Variants in ELAVL4 observed in about 807,000 individuals in gnomAD.
The protein encoded by ELAVL4 is ELAV-like protein 4.
Under a neutral mutation model 35.6 loss-of-function variants are expected in ELAVL4, and 1 was observed. The observed-to-expected ratio is 0.03, with a 90% CI of 0.01 to 0.13. The LOEUF is 0.13. ELAVL4 is among the 10% of genes least tolerant of loss of function. The pLI is 1.00. For missense variants in ELAVL4, 267 were observed against 464.9 expected (o/e 0.57, Z 3.91); for synonymous variants, 156 against 171.0 (o/e 0.91, Z 0.69).
chr1:50,182,196 C>A (rs553707885), intron 3 of ELAVL4, among the ~76,000 whole-genome samples: 2 of 152,320 alleles, frequency 1.3e-5, no homozygotes, highest in African/African-American at 4.8e-5. Context: ...TGCATTTGGT[C>A]CAGCTCTGTC....
intron 2 of ELAVL4, among the ~76,000 whole-genome samples, chr1:50,167,925 T>A (rs996020632): frequency 6.6e-6 from 1 of 152,198 alleles, no homozygotes; most frequent in African/African-American, 2.4e-5. Context: ...TCCCTGACCA[T>A]CCAGCCAAAC....
intron 1 of ELAVL4, among the ~76,000 whole-genome samples, chr1:50,124,786 A>C (rs1455397002): frequency 6.6e-6 from 1 of 152,082 alleles, no homozygotes. Context: ...GACCTAGGGG[A>C]AATCATTTCC....
chr1:50,200,905 T>C lies in ELAVL4; in HGVS notation c.828T>C (p.Pro276=), dbSNP rs1383789267. 1.2e-6 allele frequency: 2 copies of C among 1,613,926 alleles called. No individual in the cohort carries two copies. The highest frequency in any genetic ancestry group is 1.7e-6 in the Non-Finnish European group (2 of 1,180,004). The stretch of plus-strand genomic sequence containing the variant: ...CAAGCCTTGTGGGAATGAACATCCC[T>C]GGTCACACAGGAACTGGGTGGTGCA... ...GMTSLVGMNI[P]GHTGTGWCIF... Residue 276 remains proline, a synonymous_variant, in exon 7 of 7, where the codon CCT becomes CCC. Transcript: ENST00000371824.
chr1:50,176,701 C>T (rs1419255485), intron 2 of ELAVL4, among the ~76,000 whole-genome samples: 1 of 152,216 alleles, frequency 6.6e-6, no homozygotes, highest in Non-Finnish European at 1.5e-5. Flanking sequence ...CAAAGTCGCA[C>T]AGCTGATAGG....
At chr1:50,053,251 T>G (rs951420696) in intron 1 of ELAVL4, among the ~76,000 whole-genome samples, 25 of 152,188 alleles carry the variant, frequency 1.6e-4, no homozygotes, top group African/African-American at 6.0e-4. Context: ...CAAAATAGCT[T>G]CTTTTTGTAC....
chr1:50,098,289 A>C (rs1393763366), intron 1 of ELAVL4, among the ~76,000 whole-genome samples: 1 of 152,232 alleles, frequency 6.6e-6, no homozygotes, highest in Non-Finnish European at 1.5e-5. Flanking sequence ...TAGTGAGTTC[A>C]ATATCAATAA....
intron 2 of ELAVL4, among the ~76,000 whole-genome samples, chr1:50,160,286 C>A (rs543625312): frequency 6.6e-6 from 1 of 152,148 alleles, no homozygotes; most frequent in Admixed American, 6.6e-5. Flanking sequence ...AAGAAGATGA[C>A]GTTCCCCCGC....
intron 1 of ELAVL4, among the ~76,000 whole-genome samples, chr1:50,078,106 TTGTGTGTGTG>T (rs56818675): frequency 6.2e-5 from 9 of 145,062 alleles, no homozygotes; most frequent in Admixed American, 2.8e-4. Context: ...AATATATACC[TTGTGTGTGTG>T]TGTGTGTGTG....
intron 2 of ELAVL4, among the ~76,000 whole-genome samples, chr1:50,160,994 C>T (rs908634496): frequency 1.3e-5 from 2 of 152,152 alleles, no homozygotes; most frequent in African/African-American, 4.8e-5. Context: ...TCTCATTTTG[C>T]CCAAAGGCTA....
chr1:50,106,279 G>C, upstream of ELAVL4: 1 of 1,606,936 alleles, frequency 6.2e-7, no homozygotes, highest in African/African-American at 1.3e-5. Context: ...GGCGACTGAT[G>C]CTGAGATATC....
chr1:50,158,841 C>T (rs964771125), intron 2 of ELAVL4, among the ~76,000 whole-genome samples: 2 of 152,098 alleles, frequency 1.3e-5, no homozygotes, highest in African/African-American at 2.4e-5. Context: ...GAGTTTAAGA[C>T]CAGCCTGGCC....
At chr1:50,091,362 T>G (rs1665485869) in intron 1 of ELAVL4, among the ~76,000 whole-genome samples, 1 of 152,176 alleles carries the variant, frequency 6.6e-6, no homozygotes, top group Admixed American at 6.5e-5. Context: ...AGAATTCAGC[T>G]GGGACCAATA....
intron 1 of ELAVL4, among the ~76,000 whole-genome samples, chr1:50,119,829 G>T (rs1265548726): frequency 6.6e-6 from 1 of 151,760 alleles, no homozygotes; most frequent in East Asian, 1.9e-4. Flanking sequence ...TATAATTTTT[G>T]CCCTATGGTG....
At chr1:50,108,093 T>C (rs1317299633), upstream of ELAVL4, among the ~76,000 whole-genome samples, 1 of 152,208 alleles carries the variant, frequency 6.6e-6, no homozygotes, top group East Asian at 1.9e-4. Context: ...TTTAGTGGAT[T>C]TTTAAAAATT....
At chr1:50,170,357 A>G (rs1008971543) in intron 2 of ELAVL4, among the ~76,000 whole-genome samples, 1 of 152,202 alleles carries the variant, frequency 6.6e-6, no homozygotes, top group African/African-American at 2.4e-5. Flanking sequence ...ACAAAAAGAA[A>G]TAGCATATAC....
At chr1:50,055,408 T>TC (rs1663606725) in intron 1 of ELAVL4, among the ~76,000 whole-genome samples, 1 of 152,214 alleles carries the variant, frequency 6.6e-6, no homozygotes, top group Admixed American at 6.5e-5. Flanking sequence ...TACACCATGC[T>TC]CCTTCCTCAG....
At chr1:50,099,915 G>A (rs963044693), upstream of ELAVL4, among the ~76,000 whole-genome samples, 4 of 152,172 alleles carry the variant, frequency 2.6e-5, no homozygotes, top group Admixed American at 2.6e-4. Context: ...AGATTATTTT[G>A]ATTGTTACTG....
intron 1 of ELAVL4, among the ~76,000 whole-genome samples, chr1:50,059,096 A>G (rs1416547425): frequency 6.6e-6 from 1 of 152,178 alleles, no homozygotes; most frequent in Non-Finnish European, 1.5e-5. Context: ...GATACCTTTA[A>G]TTAGCCAACA....
At chr1:50,194,778 GC>G (rs1336045081) in intron 4 of ELAVL4, among the ~76,000 whole-genome samples, 1 of 152,166 alleles carries the variant, frequency 6.6e-6, no homozygotes, top group Non-Finnish European at 1.5e-5. Flanking sequence ...TGCTAGGAGG[GC>G]CCCATTGAGG....
Sources: gnomAD v4.1 joint callset for allele counts (sites outside exome capture counted in the v4.1 genomes callset) on GRCh38, gnomAD v4.1.1 for gene constraint, MANE v1.5 for transcripts, NCBI Gene and HGNC (gene_info 2026-07-23, HGNC 2026-07-21) for gene names.